The following C19orf38 variants were observed in gnomAD, a reference collection of about 807,000 sequenced individuals.
The protein encoded by C19orf38 is chromosome 19 open reading frame 38, also known as protein HIDE1.
Under a neutral mutation model 26.6 loss-of-function variants are expected in C19orf38, and 14 were observed. The observed-to-expected ratio is 0.53, with a 90% CI of 0.35 to 0.82. The LOEUF (loss-of-function observed/expected upper bound fraction) is 0.82, where lower values mean the gene tolerates loss of function less well. C19orf38 is among the 40% of genes least tolerant of loss of function. The pLI, the probability that C19orf38 is intolerant of heterozygous loss-of-function variation, is 0.01. For synonymous variants in C19orf38, 132 were observed against 128.5 expected, an observed-to-expected ratio of 1.03 and a Z score of -0.18; for missense variants, 261 against 299.5, an observed-to-expected ratio of 0.87 and a Z score of 0.95.
intron 3 of C19orf38, among the ~76,000 whole-genome samples, chr19:10,857,664 C>T (rs1467537712): frequency 5.3e-5 from 8 of 151,328 alleles, no homozygotes; most frequent in African/African-American, 9.7e-5. Context: ...GGGCAGATCG[C>T]GAGGTCAGGA....
rs879350125 is a variant in C19orf38, at chr19:10,854,059, C to CT, written c.341-2192dup. ...CAGAGGGAGACCCTGTCTGTAAAAA[C>CT]TTTTTTTTTTTTTTAATTTTTGAGA... is the stretch of plus-strand genomic sequence containing the variant. On this transcript the variant is annotated intron_variant, in intron 2 of 6. Transcript: ENST00000397820. Among the ~76,000 whole-genome samples, 119 of 141,530 alleles carry CT rather than the reference C, an allele frequency of 8.4e-4. 1 individual carries two copies. Among genetic ancestry groups the CT allele is most frequent in the African/African-American group, 1.1e-3 (42 of 38,742 alleles). The allele number at this position is 141,530 out of a possible 152,430, so 92.8% of individuals were successfully genotyped here. A position where few individuals can be genotyped will look rare whatever the true frequency, so the allele number is the denominator to read the frequency against.
chr19:10,850,524 C>T lies in C19orf38; in HGVS notation c.297C>T (p.Ser99=), dbSNP rs573239688. 2 of 1,551,614 alleles carry T rather than the reference C, an allele frequency of 1.3e-6. No individual in the cohort carries two copies. The highest frequency in any genetic ancestry group is 8.7e-7 in the Non-Finnish European group (1 of 1,146,974). The change falls in exon 2 of 7, where the codon TCC becomes TCT. Residue 99 remains serine (S), a synonymous_variant. Coordinates refer to ENST00000397820, the MANE Select transcript of C19orf38 (RefSeq NM_001136482.3). The stretch of plus-strand genomic sequence containing the variant: ...GAGTGTTAGGTGAGCTCAACCAGTC[C>T]CAGCTGTCAGACCTCAGCGAGCCCG... ...QYGVLGELNQ[S]QLSDLSEPVN... is the part of the protein sequence containing the mutation.
intron 2 of C19orf38, among the ~76,000 whole-genome samples, chr19:10,853,000 A>G (rs1226749932): frequency 6.6e-6 from 1 of 151,732 alleles, no homozygotes; most frequent in East Asian, 1.9e-4. Flanking sequence ...TCCTTGAGCC[A>G]AGGAGTTCAA....
chr19:10,846,195 T>G (rs2073515534), upstream of C19orf38, among the ~76,000 whole-genome samples: 1 of 151,232 alleles, frequency 6.6e-6, no homozygotes, highest in African/African-American at 2.4e-5. Context: ...AAAAAAATGT[T>G]TTTTTGTTGT....
At chr19:10,844,308 CAGG>C (rs1047776759), upstream of C19orf38, among the ~76,000 whole-genome samples, 4 of 150,556 alleles carry the variant, frequency 2.7e-5, no homozygotes, top group African/African-American at 9.8e-5. Flanking sequence ...GAAGCTGAGG[CAGG>C]AGAATCGCTT....
At chr19:10,854,356 G>A (rs964620916) in intron 2 of C19orf38, among the ~76,000 whole-genome samples, 9 of 152,172 alleles carry the variant, frequency 5.9e-5, no homozygotes, top group African/African-American at 1.9e-4. Context: ...GAGCCACCGC[G>A]CCTGGCCCAA....
At chr19:10,841,755 T>C in intron 1 of C19orf38, 3 of 749,046 alleles carry the variant, frequency 4.0e-6, no homozygotes, top group Non-Finnish European at 4.5e-6. Flanking sequence ...GGAGGATCTC[T>C]TGAGCCCAGG....
At chr19:10,855,028 T>G (rs1191267261) in intron 2 of C19orf38, among the ~76,000 whole-genome samples, 4 of 146,942 alleles carry the variant, frequency 2.7e-5, no homozygotes, top group African/African-American at 9.9e-5. Flanking sequence ...CAGATATATA[T>G]TCTTTTTTTT....
upstream of C19orf38, among the ~76,000 whole-genome samples, chr19:10,846,676 G>C (rs776322473): frequency 6.6e-6 from 1 of 152,084 alleles, no homozygotes; most frequent in Non-Finnish European, 1.5e-5. Context: ...ATGAAAGAAG[G>C]AACATCACTA....
Position 10,858,310 on chromosome 19 carries a change from T to C in C19orf38, c.434-6T>C. 6.5e-7 allele frequency: 1 copy of C among 1,546,740 alleles called. No individual in the cohort carries two copies. The highest frequency in any genetic ancestry group is 1.4e-5 in the African/African-American group (1 of 72,870). Reference sequence around the variant, plus strand: ...CTAACACATGCTCATTTCTTTTTTGTTCCAGTTAAACTCAGAAATTTACAG... The same window carrying C: ...CTAACACATGCTCATTTCTTTTTTGCTCCAGTTAAACTCAGAAATTTACAG... On this transcript the variant is annotated splice_region_variant and splice_polypyrimidine_tract_variant and intron_variant, in intron 3 of 6. Coordinates refer to ENST00000397820, the MANE Select transcript of C19orf38 (RefSeq NM_001136482.3).
chr19:10,853,964 G>A (rs546113373), intron 2 of C19orf38, among the ~76,000 whole-genome samples: 2 of 150,926 alleles, frequency 1.3e-5, no homozygotes, highest in South Asian at 4.2e-4. Flanking sequence ...GAGGCAGGTG[G>A]ATCACTTAAG....
At chr19:10,857,357 TATATATATA>T (rs1434151446) in intron 3 of C19orf38, among the ~76,000 whole-genome samples, 5 of 85,548 alleles carry the variant, frequency 5.8e-5, no homozygotes, top group African/African-American at 2.5e-4. Flanking sequence ...TATATATATA[TATATATATA>T]TTTTTTTTTT....
rs982289502 is a variant in C19orf38 at position 10,848,445 on chromosome 19, A to G, written c.-64A>G. On this transcript the variant is annotated 5_prime_UTR_variant, in exon 1 of 7. Coordinates refer to ENST00000397820, the MANE Select transcript of C19orf38 (RefSeq NM_001136482.3). Reference sequence around the variant, plus strand: ...TTCCCCGATCTGGCCTCACAGGAGGAGTTGGCGGGGAGCCTTGGGCCCCTC... The same window carrying G: ...TTCCCCGATCTGGCCTCACAGGAGGGGTTGGCGGGGAGCCTTGGGCCCCTC... The G allele has an allele frequency of 6.6e-7, 1 of 1,516,812 alleles. No homozygotes were observed. Among genetic ancestry groups the G allele is most frequent in the African/African-American group, 1.4e-5 (1 of 72,294 alleles). 94.0% of individuals were successfully genotyped at this position (1,516,812 alleles called of 1,614,324 possible). A position where few individuals can be genotyped will look rare whatever the true frequency, so the allele number is the denominator to read the frequency against.
At chr19:10,866,525 T>G (rs774543268) in intron 6 of C19orf38, among the ~76,000 whole-genome samples, 11 of 150,600 alleles carry the variant, frequency 7.3e-5, no homozygotes, top group Non-Finnish European at 1.2e-4. Context: ...AGATACAGTT[T>G]CACTTTGTTG....
At chr19:10,859,338 GTGTGTGTGTGTATA>G in intron 4 of C19orf38, among the ~76,000 whole-genome samples, 1 of 55,642 alleles carries the variant, frequency 1.8e-5, no homozygotes, top group Admixed American at 2.2e-4. Context: ...GTATGTGTGT[GTGTGTGTGTGTATA>G]TATATATATA....
chr19:10,840,417 C>T (rs931121989), intron 1 of C19orf38, among the ~76,000 whole-genome samples: 3 of 152,162 alleles, frequency 2.0e-5, no homozygotes, highest in African/African-American at 7.2e-5. Context: ...AAGTAATTCT[C>T]CTGCCTCAGC....
At chr19:10,843,131 C>A (rs2073491335) in intron 1 of C19orf38, among the ~76,000 whole-genome samples, 1 of 151,772 alleles carries the variant, frequency 6.6e-6, no homozygotes, top group African/African-American at 2.4e-5. Flanking sequence ...TGTGAGTGTG[C>A]AAAAAAGGTT....
At chr19:10,868,260 C>A (rs1484675514) in intron 6 of C19orf38, among the ~76,000 whole-genome samples, 1 of 152,142 alleles carries the variant, frequency 6.6e-6, no homozygotes, top group South Asian at 2.1e-4. Flanking sequence ...CAGGTGGGAT[C>A]GATTATTTTC....
intron 6 of C19orf38, 44 bp from the exon 7 acceptor site, chr19:10,869,174 A>T (rs2073779329): frequency 6.5e-7 from 1 of 1,549,766 alleles, no homozygotes; most frequent in African/African-American, 1.4e-5. Context: ...AGATCCTGAA[A>T]CCCCAAATCA....
Sources: allele counts gnomAD v4.1 joint callset (sites outside exome capture counted in the v4.1 genomes callset), GRCh38; gene constraint gnomAD v4.1.1; transcripts MANE v1.5; gene names NCBI Gene and HGNC (gene_info 2026-07-23, HGNC 2026-07-21).